Variants in ACBD6 observed in about 807,000 individuals in gnomAD.
ACBD6 encodes acyl-CoA-binding domain-containing protein 6.
In ACBD6, 28 loss-of-function variants were observed where a neutral mutation model predicts 37.2. That is an observed-to-expected ratio of 0.75 (90% CI 0.56 to 1.03). The LOEUF is 1.03. Ranked by LOEUF, ACBD6 falls within the 50% of genes least tolerant of loss-of-function variation. The probability of loss-of-function intolerance (pLI) is 0.00; values close to 1 mark genes in which losing one functional copy is unlikely to be tolerated. For synonymous variants in ACBD6, 113 were observed against 126.8 expected, an observed-to-expected ratio of 0.89 and a Z score of 0.73; for missense variants, 340 against 337.4, an observed-to-expected ratio of 1.01 and a Z score of -0.06.
chr1:180,371,875 T>A (rs978691184), intron 6 of ACBD6, among the ~76,000 whole-genome samples: 2 of 152,094 alleles, frequency 1.3e-5, no homozygotes, highest in African/African-American at 4.8e-5. Context: ...CATGAAGAAA[T>A]GATAGTTTGG....
intron 4 of ACBD6, among the ~76,000 whole-genome samples, chr1:180,429,550 T>C (rs1648728973): frequency 6.6e-6 from 1 of 152,172 alleles, no homozygotes; most frequent in South Asian, 2.1e-4. Context: ...AATGCTGCTA[T>C]GAACATGGGT....
intron 3 of ACBD6, among the ~76,000 whole-genome samples, chr1:180,441,860 A>C (rs1649291386): frequency 6.6e-6 from 1 of 152,102 alleles, no homozygotes; most frequent in Admixed American, 6.6e-5. Flanking sequence ...TCCAATTTGG[A>C]TGCTGTTTCT....
intron 5 of ACBD6, among the ~76,000 whole-genome samples, chr1:180,401,984 A>G (rs1647391966): frequency 6.6e-6 from 1 of 152,192 alleles, no homozygotes. Flanking sequence ...TATCAAACAC[A>G]TATAGTATAT....
At chr1:180,496,384 T>C (rs759685223) in intron 1 of ACBD6, among the ~76,000 whole-genome samples, 1 of 152,190 alleles carries the variant, frequency 6.6e-6, no homozygotes, top group Non-Finnish European at 1.5e-5. Context: ...ATCTTTCTAT[T>C]AGAATAGAGC....
chr1:180,395,148 G>A (rs1654211499), intron 6 of ACBD6, among the ~76,000 whole-genome samples: 1 of 152,186 alleles, frequency 6.6e-6, no homozygotes, highest in Non-Finnish European at 1.5e-5. Context: ...CATGGTACTA[G>A]TTAACTAAAT....
At chr1:180,442,419 T>C (rs976722045) in intron 3 of ACBD6, among the ~76,000 whole-genome samples, 2 of 152,206 alleles carry the variant, frequency 1.3e-5, no homozygotes, top group South Asian at 2.1e-4. Context: ...TGTCCTACAA[T>C]GTACAGGATA....
intron 3 of ACBD6, among the ~76,000 whole-genome samples, chr1:180,431,658 T>C (rs558137350): frequency 3.7e-4 from 57 of 152,244 alleles, no homozygotes; most frequent in Middle Eastern, 6.8e-3. Flanking sequence ...TTTTACTTAA[T>C]CCAATTATAT....
At chr1:180,462,878 C>T (rs1413185802) in intron 3 of ACBD6, among the ~76,000 whole-genome samples, 1 of 152,168 alleles carries the variant, frequency 6.6e-6, no homozygotes, top group African/African-American at 2.4e-5. Context: ...AGCAAACAGT[C>T]TCTCGGACCA....
intron 6 of ACBD6, 82 bp from the exon 7 acceptor site, chr1:180,314,804 C>T: frequency 7.7e-6 from 8 of 1,038,720 alleles, no homozygotes; most frequent in South Asian, 5.1e-5. Flanking sequence ...GCAAATTTAT[C>T]TGATATACCA....
At chr1:180,389,546 T>G (rs1653985916) in intron 6 of ACBD6, among the ~76,000 whole-genome samples, 1 of 152,216 alleles carries the variant, frequency 6.6e-6, no homozygotes, top group African/African-American at 2.4e-5. Flanking sequence ...CAAATGGTAT[T>G]TCTAGTTCTA....
intron 3 of ACBD6, among the ~76,000 whole-genome samples, chr1:180,452,693 G>A (rs940815800): frequency 0.038 from 9 of 234 alleles, no homozygotes; most frequent in Middle Eastern, 0.33. Flanking sequence ...AGAAAAGAGA[G>A]AAGATTCAAT....
At chr1:180,499,479 T>A (rs753416879) in intron 1 of ACBD6, among the ~76,000 whole-genome samples, 3 of 152,180 alleles carry the variant, frequency 2.0e-5, no homozygotes, top group Non-Finnish European at 4.4e-5. Context: ...ATGAAGTGAG[T>A]ATACCTGAGA....
chr1:180,390,135 G>C (rs1375639117), intron 6 of ACBD6, among the ~76,000 whole-genome samples: 2 of 152,040 alleles, frequency 1.3e-5, no homozygotes, highest in Non-Finnish European at 2.9e-5. Context: ...TATGGTTTTA[G>C]GTCTAACGTT....
intron 4 of ACBD6, among the ~76,000 whole-genome samples, chr1:180,427,037 C>G (rs554955332): frequency 6.6e-6 from 1 of 152,256 alleles, no homozygotes; most frequent in Admixed American, 6.5e-5. Context: ...GAGATCTGAA[C>G]CTCTGACATT....
At chr1:180,494,420 T>A (rs1159994521) in intron 2 of ACBD6, among the ~76,000 whole-genome samples, 1 of 152,148 alleles carries the variant, frequency 6.6e-6, no homozygotes, top group East Asian at 1.9e-4. Context: ...CTGGTTATCA[T>A]CAACCAAAAA....
At chr1:180,281,006 T>C (rs1649291312) in intron 9 of ACBD6, among the ~76,000 whole-genome samples, 1 of 152,242 alleles carries the variant, frequency 6.6e-6, no homozygotes, top group Admixed American at 6.5e-5. Flanking sequence ...TTCAACATAC[T>C]ATCAACTGTT....
intron 3 of ACBD6, among the ~76,000 whole-genome samples, chr1:180,446,169 A>ATT (rs202158333): frequency 7.1e-5 from 10 of 139,882 alleles, no homozygotes; most frequent in East Asian, 2.1e-4. Flanking sequence ...CGCCGGGATA[A>ATT]TTTTTTTTTT....
intron 5 of ACBD6, among the ~76,000 whole-genome samples, chr1:180,402,223 C>T (rs1163442540): frequency 6.6e-6 from 1 of 152,174 alleles, no homozygotes; most frequent in Non-Finnish European, 1.5e-5. Context: ...AGAAATTACA[C>T]AATGCCTCCT....
chr1:180,371,274 G>C (rs1437303928), intron 6 of ACBD6, among the ~76,000 whole-genome samples: 1 of 151,948 alleles, frequency 6.6e-6, no homozygotes, highest in East Asian at 1.9e-4. Context: ...ATCTAAATTT[G>C]CATCTTTTCT....
Sources: gnomAD v4.1 joint callset for allele counts (sites outside exome capture counted in the v4.1 genomes callset) on GRCh38, gnomAD v4.1.1 for gene constraint, MANE v1.5 for transcripts, NCBI Gene and HGNC (gene_info 2026-07-23, HGNC 2026-07-21) for gene names.